The following CKM variants were observed in gnomAD, a reference collection of about 807,000 sequenced individuals.
The protein encoded by CKM is creatine kinase M-type.
A neutral mutation model predicts 35.4 loss-of-function variants in CKM; 28 were observed. That is an observed-to-expected ratio of 0.79 (90% CI 0.59 to 1.08). The LOEUF (loss-of-function observed/expected upper bound fraction) is 1.08, where lower values mean the gene tolerates loss of function less well. CKM is among the 50% of genes least tolerant of loss of function. The pLI, the probability that CKM is intolerant of heterozygous loss-of-function variation, is 0.00. For missense variants in CKM, 484 were observed against 509.8 expected, an observed-to-expected ratio of 0.95 and a Z score of 0.49; for synonymous variants, 215 against 204.4, an observed-to-expected ratio of 1.05 and a Z score of -0.44.
In CKM at chr19:45,322,514, C is replaced by T. The variant is rs192824033; in HGVS notation, c.-19+307G>A. Among the ~76,000 whole-genome samples, 81 of 152,306 alleles carry T rather than the reference C, an allele frequency of 5.3e-4. 1 individual carries two copies. Among genetic ancestry groups the T allele is most frequent in the African/African-American group, 1.9e-3 (79 of 41,562 alleles). The stretch of plus-strand genomic sequence containing the variant: ...AACTGTAATGAACACAGGCCTGGCT[C>T]AACAGCCCCTTGCAGGGGGTGACAG... On this transcript the variant is annotated intron_variant, in intron 1 of 7. Transcript: ENST00000221476.
chr19:45,314,516 C>T (rs972511789), intron 4 of CKM, among the ~76,000 whole-genome samples: 1 of 151,560 alleles, frequency 6.6e-6, no homozygotes, highest in East Asian at 2.0e-4. Flanking sequence ...CAGGTTCAAG[C>T]GATTCTCCTG....
chr19:45,312,013 G>C lies in CKM; in HGVS notation c.482-93C>G, dbSNP rs1034105957. On this transcript the variant is annotated intron_variant, in intron 4 of 7. Coordinates refer to ENST00000221476, the MANE Select transcript of CKM (RefSeq NM_001824.5). Reference sequence around the variant, plus strand: ...TTTCCCCTGCTGCTGCTCCTAACGGGCCTGGGCCTTGGCCCCCTGGATGTC... The same window carrying C: ...TTTCCCCTGCTGCTGCTCCTAACGGCCCTGGGCCTTGGCCCCCTGGATGTC... The C allele has an allele frequency of 6.2e-6, 9 of 1,459,884 alleles. No individual in the cohort carries two copies. In the Admixed American group the frequency reaches 1.4e-4, roughly 23 times the overall value. 90.4% of individuals were successfully genotyped at this position (1,459,884 alleles called of 1,614,324 possible).
At chr19:45,309,782 G>C (rs976771454) in intron 5 of CKM, among the ~76,000 whole-genome samples, 26 of 151,718 alleles carry the variant, frequency 1.7e-4, no homozygotes, top group Non-Finnish European at 3.5e-4. Context: ...AGGATCGTTT[G>C]AACCCGGGAG....
At position 45,308,314 on chromosome 19, in the gene CKM, G is replaced by A. The variant is rs557236606; in HGVS notation, c.777+95C>T. On this transcript the variant is annotated intron_variant, in intron 6 of 7. Transcript: ENST00000221476. ...GGCAGGGCCCTGGAAAATGGGTGGGGCAGGGCTTAGTATAGGGGAAGGGGC... is the reference window on the plus strand; with the variant it reads ...GGCAGGGCCCTGGAAAATGGGTGGGACAGGGCTTAGTATAGGGGAAGGGGC... The A allele has an allele frequency of 5.8e-5, 86 of 1,483,942 alleles. No homozygotes were observed. In the Middle Eastern group the frequency reaches 6.6e-4, roughly 11 times the overall value. The allele number at this position is 1,483,942 out of a possible 1,614,324, so 91.9% of individuals were successfully genotyped here.
chr19:45,317,870 T>C lies in CKM; in HGVS notation c.303A>G (p.Lys101=). The change falls in exon 3 of 8, where the codon AAA becomes AAG. Residue 101 remains lysine (K), a synonymous_variant. Transcript: ENST00000221476. ...PIISDRHGGY[K]PTDKHKTDLN... ...GGTCAGTCTTGTGCTTGTCAGTGGG[T>C]TTGTAGCCCCCGTGGCGATCCGAGA... The C allele has an allele frequency of 6.2e-7, 1 of 1,613,798 alleles. No homozygotes were observed. The highest frequency in any genetic ancestry group is 2.2e-5 in the East Asian group (1 of 44,872).
rs1003661641 is a variant in CKM, at chr19:45,322,848, G to C, written c.-46C>G. On this transcript the variant is annotated 5_prime_UTR_variant, in exon 1 of 8. Transcript: ENST00000221476. ...GGCTGGGCTGGGCTGAAGGGGGGCT[G>C]TCTGTATCCTGGAGGTGACACTGAC... 8.0e-5 allele frequency: 79 copies of C among 986,088 alleles called. No individual in the cohort carries two copies. Among genetic ancestry groups the C allele is most frequent in the Non-Finnish European group, 8.9e-5 (74 of 830,594 alleles). The allele number at this position is 986,088 out of a possible 1,614,324, so 61.1% of individuals were successfully genotyped here. A position where few individuals can be genotyped will look rare whatever the true frequency, so the allele number is the denominator to read the frequency against.
chr19:45,316,868 A>G (rs2238685), intron 3 of CKM, among the ~76,000 whole-genome samples: 78,464 of 151,432 alleles, frequency 0.52, 21,986 homozygotes, highest in Non-Finnish European at 0.63. Flanking sequence ...TGTATTTTTA[A>G]TAGAGACTGG....
chr19:45,319,617 C>A lies in CKM; in HGVS notation c.97G>T (p.Val33Leu). Reference protein sequence around the residue: ...LSKHNNHMAKVLTLELYKKLR... With the variant: ...LSKHNNHMAKLLTLELYKKLR... ...TTCTTGTAGAGTTCAAGGGTCAGTA[C>A]CTTGGCCATGTGGTTGTTATGTTTG... The change falls in exon 2 of 8, where the codon GTA becomes TTA. Residue 33 changes from valine (V) to leucine (L), a missense_variant. Physicochemically the swap from Val to Leu is conservative, Grantham distance 32. Coordinates refer to ENST00000221476, the MANE Select transcript of CKM (RefSeq NM_001824.5). 5.6e-6 allele frequency: 9 copies of A among 1,614,096 alleles called. No homozygotes were observed. The highest frequency in any genetic ancestry group is 6.8e-6 in the Non-Finnish European group (8 of 1,180,008).
At chr19:45,316,979 C>A (rs1971164557) in intron 3 of CKM, among the ~76,000 whole-genome samples, 1 of 152,054 alleles carries the variant, frequency 6.6e-6, no homozygotes, top group African/African-American at 2.4e-5. Context: ...GCCACTGTGC[C>A]CGGCTATGCC....
intron 3 of CKM, among the ~76,000 whole-genome samples, chr19:45,316,486 C>CT (rs973857836): frequency 1.4e-4 from 20 of 147,758 alleles, no homozygotes; most frequent in Non-Finnish European, 2.2e-4. Flanking sequence ...TTTTTTTTTT[C>CT]TTTTTTTTGG....
Position 45,317,849 on chromosome 19 carries a change from A to G in CKM, c.324T>C (p.Thr108=), listed in dbSNP as rs750179345. 6.2e-7 allele frequency: 1 copy of G among 1,613,904 alleles called. No homozygotes were observed. The highest frequency in any genetic ancestry group is 1.1e-5 in the South Asian group (1 of 91,068). Reference sequence around the variant, plus strand: ...CCTTGAGGTTTTCATGGTTGAGGTCAGTCTTGTGCTTGTCAGTGGGTTTGT... The same window carrying G: ...CCTTGAGGTTTTCATGGTTGAGGTCGGTCTTGTGCTTGTCAGTGGGTTTGT... ...GGYKPTDKHK[T]DLNHENLKGG... The change falls in exon 3 of 8, where the codon ACT becomes ACC. Residue 108 remains threonine (T), a synonymous_variant. Transcript: ENST00000221476.
intron 3 of CKM, 94 bp downstream of exon 3, chr19:45,317,731 C>G: frequency 2.2e-6 from 3 of 1,378,434 alleles, no homozygotes; most frequent in Non-Finnish European, 3.1e-6. Context: ...CTCTGTGTCT[C>G]TCTCTGTCTC....
At chr19:45,311,635 A>T in intron 5 of CKM, 114 bp downstream of exon 5, 1 of 871,792 alleles carries the variant, frequency 1.1e-6, no homozygotes, top group Non-Finnish European at 1.8e-6. Context: ...CGTGGCATTT[A>T]GAAGATCATA....
At chr19:45,311,968 C>A (rs749498994) in intron 4 of CKM, 48 bp from the exon 5 acceptor site, 1 of 1,607,104 alleles carries the variant, frequency 6.2e-7, no homozygotes, top group Non-Finnish European at 8.5e-7. Flanking sequence ...CCACCTCAAC[C>A]AGGGTGTGGA....
chr19:45,308,289 G>A lies in CKM; in HGVS notation c.777+120C>T, dbSNP rs1007715858. 12 of 1,279,734 alleles carry A rather than the reference G, an allele frequency of 9.4e-6. No individual in the cohort carries two copies. In the African/African-American group the frequency reaches 1.8e-4, roughly 19 times the overall value. 79.3% of individuals were successfully genotyped at this position (1,279,734 alleles called of 1,614,324 possible). A position where few individuals can be genotyped will look rare whatever the true frequency, so the allele number is the denominator to read the frequency against. ...GCATGGGGTGGAGCCAGGTCCGGGG[G>A]GCAGGGCCCTGGAAAATGGGTGGGG... On this transcript the variant is annotated intron_variant, in intron 6 of 7. Coordinates refer to ENST00000221476, the MANE Select transcript of CKM (RefSeq NM_001824.5).
At position 45,311,606 on chromosome 19, in the gene CKM, G is replaced by A. The variant is rs17875618; in HGVS notation, c.653+143C>T. ...CACAGACCACAGGATGGGCAGGGGC[G>A]GAGGGCAAGATCATTTTCCGTGGCA... On this transcript the variant is annotated intron_variant, in intron 5 of 7. Coordinates refer to ENST00000221476, the MANE Select transcript of CKM (RefSeq NM_001824.5). The A allele has an allele frequency of 3.1e-3, 2,198 of 710,994 alleles. 18 individuals are homozygous for A. The highest frequency in any genetic ancestry group is 0.024 in the African/African-American group (1,383 of 56,474). The allele number at this position is 710,994 out of a possible 1,614,324, so 44.0% of individuals were successfully genotyped here. A position where few individuals can be genotyped will look rare whatever the true frequency, so the allele number is the denominator to read the frequency against.
At chr19:45,308,615 C>T in intron 5 of CKM, 83 bp from the exon 6 acceptor site, 1 of 1,582,580 alleles carries the variant, frequency 6.3e-7, no homozygotes, top group South Asian at 1.1e-5. Context: ...AACATCTGCC[C>T]ACCGATGGGG....
rs17875613 is a variant in CKM at position 45,313,212 on chromosome 19, G to C, written c.482-1292C>G. On this transcript the variant is annotated intron_variant, in intron 4 of 7. Coordinates refer to ENST00000221476, the MANE Select transcript of CKM (RefSeq NM_001824.5). ...TTTTTCCTACAGCATGTGCCACTTC[G>C]TGTCTCTGTGTCACATGTGGGTAAT... Among the ~76,000 whole-genome samples, 1,227 of 152,120 alleles carry C rather than the reference G, an allele frequency of 8.1e-3. 14 individuals carry two copies. Among genetic ancestry groups the C allele is most frequent in the African/African-American group, 0.028 (1,167 of 41,502 alleles).
intron 3 of CKM, among the ~76,000 whole-genome samples, chr19:45,317,123 T>C (rs1257623524): frequency 6.6e-6 from 1 of 151,782 alleles, no homozygotes; most frequent in Non-Finnish European, 1.5e-5. Context: ...TTTTTTATTT[T>C]CTGAGATAGA....
Sources: allele counts gnomAD v4.1 joint callset (sites outside exome capture counted in the v4.1 genomes callset), GRCh38; gene constraint gnomAD v4.1.1; transcripts MANE v1.5; gene names NCBI Gene and HGNC (gene_info 2026-07-23, HGNC 2026-07-21).